ROBO1: variants seen among roughly 807,000 people sequenced by gnomAD.
ROBO1 encodes roundabout homolog 1.
Under a neutral mutation model 195.9 loss-of-function variants are expected in ROBO1, and 149 were observed. The ratio of observed to expected loss-of-function variants is 0.76; its 90% CI spans 0.67 to 0.87. The LOEUF (loss-of-function observed/expected upper bound fraction) is 0.87, where lower values mean the gene tolerates loss of function less well. Among genes scored for constraint, ROBO1 ranks in the 40% least tolerant of loss-of-function variants. The probability of loss-of-function intolerance (pLI) is 0.00; values close to 1 mark genes in which losing one functional copy is unlikely to be tolerated. For synonymous variants in ROBO1, 816 were observed against 733.2 expected (o/e 1.11, Z -1.82); for missense variants, 1,933 against 2,068.3 (o/e 0.93, Z 1.27).
In ROBO1 at chr3:78,651,742, A is replaced by G; in HGVS notation, c.2802T>C (p.Gly934=). 1 of 1,592,828 alleles carries G rather than the reference A, an allele frequency of 6.3e-7. No homozygotes were observed. The part of the protein sequence containing the change: ...KRNGLTSTYA[G]IRKVPSFTFT... ...TGGGAAAGCTAATACCTTTTCTGAT[A>G]CCCGCGTAGGTACTAGTAAGTCCGT... The change falls in exon 19 of 31, where the codon GGT becomes GGC. Residue 934 remains glycine, a synonymous_variant. Coordinates refer to ENST00000464233, the MANE Select transcript of ROBO1 (RefSeq NM_002941.4).
intron 4 of ROBO1, among the ~76,000 whole-genome samples, chr3:78,910,513 A>C (rs1171822416): frequency 2.0e-5 from 3 of 151,952 alleles, no homozygotes; most frequent in Non-Finnish European, 4.4e-5. Context: ...ATAATATGAA[A>C]TGTCATCAGG....
chr3:79,326,167 A>G (rs111330553), intron 2 of ROBO1, among the ~76,000 whole-genome samples: 40,950 of 151,990 alleles, frequency 0.27, 6,488 homozygotes, highest in African/African-American at 0.45. Context: ...CATGACAATG[A>G]TGCCCGAAAC....
At chr3:78,823,913 G>A (rs568334184) in intron 4 of ROBO1, among the ~76,000 whole-genome samples, 13 of 152,024 alleles carry the variant, frequency 8.6e-5, no homozygotes, top group African/African-American at 3.1e-4. Context: ...TGGCACATGA[G>A]CATGCATGTG....
intron 3 of ROBO1, among the ~76,000 whole-genome samples, chr3:79,035,271 T>G (rs1269026732): frequency 1.3e-5 from 2 of 152,218 alleles, no homozygotes; most frequent in African/African-American, 4.8e-5. Context: ...ACTATTGTTT[T>G]ACTTTCCTAT....
At chr3:79,577,032 C>T (rs1315843975) in intron 2 of ROBO1, among the ~76,000 whole-genome samples, 1 of 152,046 alleles carries the variant, frequency 6.6e-6, no homozygotes, top group African/African-American at 2.4e-5. Flanking sequence ...TGTCTCTGGT[C>T]TATGTTTTCA....
rs1006295118 is a variant in ROBO1, at chr3:79,056,974, G to A, written c.172+68482C>T. On this transcript the variant is annotated intron_variant, in intron 3 of 30. Coordinates refer to ENST00000464233, the MANE Select transcript of ROBO1 (RefSeq NM_002941.4). ...AATTTAATTGTAGTTCCTTGAAATCGGCTCGAAGTTCAAGCCGCCTTTCAA... is the reference window on the plus strand; with the variant it reads ...AATTTAATTGTAGTTCCTTGAAATCAGCTCGAAGTTCAAGCCGCCTTTCAA... 7.2e-5 allele frequency among the ~76,000 whole-genome samples: 11 copies of A among 152,018 alleles called. No individual in the cohort carries two copies. In the South Asian group the frequency reaches 8.3e-4, roughly 11 times the overall value.
chr3:78,835,703 A>T (rs333499), intron 4 of ROBO1, among the ~76,000 whole-genome samples: 147,209 of 152,272 alleles, frequency 0.97, 71,216 homozygotes, highest in East Asian at 1. Flanking sequence ...AAAATGCATA[A>T]CTCACTGTAT....
chr3:78,833,684 C>A (rs1559904382), intron 4 of ROBO1, among the ~76,000 whole-genome samples: 1 of 152,060 alleles, frequency 6.6e-6, no homozygotes, highest in East Asian at 1.9e-4. Context: ...CTGAGCCTGG[C>A]CTTCAATTAA....
intron 2 of ROBO1, among the ~76,000 whole-genome samples, chr3:79,170,434 T>C (rs1372931667): frequency 6.6e-6 from 1 of 152,174 alleles, no homozygotes; most frequent in South Asian, 2.1e-4. Flanking sequence ...CATACCAACA[T>C]AATCCACCAA....
intron 4 of ROBO1, among the ~76,000 whole-genome samples, chr3:78,866,987 CAAG>C (rs1437706428): frequency 6.6e-5 from 10 of 152,148 alleles, no homozygotes; most frequent in Admixed American, 6.5e-4. Flanking sequence ...AATGCGATTA[CAAG>C]AAGACAAAAA....
chr3:79,237,389 G>C (rs1448301361), intron 2 of ROBO1, among the ~76,000 whole-genome samples: 2 of 151,980 alleles, frequency 1.3e-5, no homozygotes, highest in African/African-American at 4.8e-5. Context: ...GCTGAGGCAG[G>C]AGAATGGCGG....
At chr3:79,417,764 T>C (rs953042265) in intron 2 of ROBO1, among the ~76,000 whole-genome samples, 3 of 152,276 alleles carry the variant, frequency 2.0e-5, no homozygotes, top group South Asian at 2.1e-4. Flanking sequence ...ATTTGCACAA[T>C]TGCATTCTAA....
Position 78,636,043 on chromosome 3 carries a change from A to C in ROBO1, c.3103T>G (p.Ser1035Ala). ...NKQTNLMLPE[S>A]TVYGDVDLSN... is the part of the protein sequence containing the mutation. The stretch of plus-strand genomic sequence containing the variant: ...AGGTCCACATCACCATAAACAGTTG[A>C]CTCAGGGAGCATCAGATTTGTTTGT... The change falls in exon 23 of 31, where the codon TCA (serine) becomes GCA (alanine). Residue 1035 changes from serine (S) to alanine (A), a missense_variant. This residue lies in a region of ROBO1 where 1,737 missense variants were observed against 1,882.5 expected (regional missense o/e 0.92). Coordinates refer to ENST00000464233, the MANE Select transcript of ROBO1 (RefSeq NM_002941.4). 6.2e-7 allele frequency: 1 copy of C among 1,613,632 alleles called. No individual in the cohort carries two copies. Among genetic ancestry groups the C allele is most frequent in the Non-Finnish European group, 8.5e-7 (1 of 1,179,744 alleles).
chr3:78,754,779 G>A (rs1291671444), intron 4 of ROBO1, among the ~76,000 whole-genome samples: 2 of 152,148 alleles, frequency 1.3e-5, no homozygotes, highest in Non-Finnish European at 2.9e-5. Context: ...AGGTATAGGA[G>A]GCTGTGTGAG....
chr3:79,589,884 C>G lies in ROBO1; in HGVS notation c.28G>C (p.Val10Leu). 6.2e-7 allele frequency: 1 copy of G among 1,610,414 alleles called. No individual in the cohort carries two copies. Among genetic ancestry groups the G allele is most frequent in the Non-Finnish European group, 8.5e-7 (1 of 1,177,592 alleles). ...GATAAGCTGAGGAGTGATATCATGA[C>G]CAAAAAAGGAACATGTTTCCATTTC... MKWKHVPFL[V>L]MISLLSLSPN... is the part of the protein sequence containing the mutation. Residue 10 changes from valine to leucine, a missense_variant, in exon 2 of 31, where the codon GTC (valine) becomes CTC (leucine). Transcript: ENST00000464233.
intron 2 of ROBO1, among the ~76,000 whole-genome samples, chr3:79,569,333 G>A (rs1283265746): frequency 6.6e-6 from 1 of 152,158 alleles, no homozygotes; most frequent in Non-Finnish European, 1.5e-5. Context: ...TAGCTTTTAT[G>A]TCTGTGCTGA....
chr3:78,661,082 A>C lies in ROBO1; in HGVS notation c.2268T>G (p.Asn756Lys), dbSNP rs1707368344. Residue 756 changes from asparagine (N) to lysine (K), a missense_variant, in exon 16 of 31, where the codon AAT (asparagine) becomes AAG (lysine). By Grantham distance (94) the Asn-to-Lys change is moderately conservative. This residue lies in a region of ROBO1 where 1,737 missense variants were observed against 1,882.5 expected (regional missense o/e 0.92). Coordinates refer to ENST00000464233, the MANE Select transcript of ROBO1 (RefSeq NM_002941.4). ...NYEIKARPFF[N>K]EFQGADSEIK... ...TTTCACTATCTGCTCCTTGAAATTCATTAAAAAAAGGGCGAGCCTTAATTT... is the reference window on the plus strand; with the variant it reads ...TTTCACTATCTGCTCCTTGAAATTCCTTAAAAAAAGGGCGAGCCTTAATTT... 1 of 1,613,584 alleles carries C rather than the reference A, an allele frequency of 6.2e-7. No individual in the cohort carries two copies. The highest frequency in any genetic ancestry group is 1.7e-5 in the Admixed American group (1 of 59,984).
intron 2 of ROBO1, among the ~76,000 whole-genome samples, chr3:79,207,651 C>T (rs1042000360): frequency 5.3e-5 from 8 of 151,786 alleles, no homozygotes; most frequent in Admixed American, 2.6e-4. Flanking sequence ...TGTTATAAAC[C>T]ATGTTTATTT....
intron 3 of ROBO1, among the ~76,000 whole-genome samples, chr3:78,966,154 A>G (rs2076639781): frequency 6.6e-6 from 1 of 152,130 alleles, no homozygotes; most frequent in Non-Finnish European, 1.5e-5. Context: ...ATGCCTGATG[A>G]TCTGAGATTG....
Sources: gnomAD v4.1 joint callset for allele counts (sites outside exome capture counted in the v4.1 genomes callset) on GRCh38, gnomAD v4.1.1 for gene constraint, gnomAD v4.1.1 regional missense constraint, MANE v1.5 for transcripts, NCBI Gene and HGNC (gene_info 2026-07-23, HGNC 2026-07-21) for gene names.